The following CD86 variants were observed in gnomAD, a reference collection of about 807,000 sequenced individuals.
CD86 encodes the protein CD86 molecule, also known as T-lymphocyte activation antigen CD86.
Under a neutral mutation model 32.1 loss-of-function variants are expected in CD86, and 11 were observed. The ratio of observed to expected loss-of-function variants is 0.34; its 90% confidence interval spans 0.22 to 0.57. CD86 has a LOEUF of 0.57. Among genes scored for constraint, CD86 ranks in the 20% least tolerant of loss-of-function variants. CD86 has a pLI of 0.86. For missense variants in CD86, 359 were observed against 398.4 expected, an observed-to-expected ratio of 0.90 and a Z score of 0.84; for synonymous variants, 137 against 135.3, an observed-to-expected ratio of 1.01 and a Z score of -0.09.
intron 1 of CD86, among the ~76,000 whole-genome samples, chr3:122,070,599 T>C (rs1373182954): frequency 1.3e-5 from 2 of 152,210 alleles, no homozygotes; most frequent in Admixed American, 1.3e-4. Context: ...TTTCTAAGAA[T>C]GTTCCTTCAG....
intron 1 of CD86, among the ~76,000 whole-genome samples, chr3:122,072,210 A>G (rs1198746318): frequency 6.7e-6 from 1 of 149,612 alleles, no homozygotes; most frequent in Non-Finnish European, 1.5e-5. Context: ...GTGTCTTTAT[A>G]GCAGCATGAT....
chr3:122,106,066 C>G, intron 3 of CD86, 132 bp from the exon 4 acceptor site: 1 of 631,268 alleles, frequency 1.6e-6, no homozygotes, highest in Non-Finnish European at 2.7e-6. Flanking sequence ...GGCTGAGGGT[C>G]ACATTTTAGA....
intron 1 of CD86, among the ~76,000 whole-genome samples, chr3:122,056,690 C>T (rs1223222143): frequency 6.6e-6 from 1 of 152,182 alleles, no homozygotes; most frequent in South Asian, 2.1e-4. Flanking sequence ...TTCATCTACC[C>T]AGTGCTTACT....
chr3:122,101,513 A>ATAT (rs1553753638), intron 2 of CD86, among the ~76,000 whole-genome samples: 785 of 44,812 alleles, frequency 0.018, 4 homozygotes, highest in Middle Eastern at 0.032. Context: ...AAAAAAAAAA[A>ATAT]ATATATATAT....
At chr3:122,116,288 T>G (rs974767917) in intron 5 of CD86, among the ~76,000 whole-genome samples, 1 of 152,190 alleles carries the variant, frequency 6.6e-6, no homozygotes, top group African/African-American at 2.4e-5. Context: ...ATATTGCTAC[T>G]CATTAGTAAG....
intron 4 of CD86, among the ~76,000 whole-genome samples, chr3:122,108,331 T>A (rs1259575549): frequency 6.6e-6 from 1 of 152,216 alleles, no homozygotes; most frequent in Admixed American, 6.5e-5. Flanking sequence ...TTAGTAAGTA[T>A]AACCCCTAAC....
At chr3:122,056,985 A>G (rs762441958) in intron 1 of CD86, among the ~76,000 whole-genome samples, 1 of 152,238 alleles carries the variant, frequency 6.6e-6, no homozygotes, top group Non-Finnish European at 1.5e-5. Context: ...AGTAATAGCC[A>G]TTAAACAATG....
At chr3:122,078,867 C>CAATCAG (rs2072590631) in intron 1 of CD86, among the ~76,000 whole-genome samples, 1 of 152,218 alleles carries the variant, frequency 6.6e-6, no homozygotes, top group Non-Finnish European at 1.5e-5. Flanking sequence ...AATCTTGGGA[C>CAATCAG]TAAGGCCCTG....
At chr3:122,062,517 C>T (rs1442100777) in intron 1 of CD86, among the ~76,000 whole-genome samples, 1 of 152,040 alleles carries the variant, frequency 6.6e-6, no homozygotes, top group African/African-American at 2.4e-5. Flanking sequence ...GTAAATATAT[C>T]AAAGGTGATT....
At chr3:122,060,340 T>C (rs1303764721) in intron 1 of CD86, among the ~76,000 whole-genome samples, 1 of 152,074 alleles carries the variant, frequency 6.6e-6, no homozygotes, top group African/African-American at 2.4e-5. Flanking sequence ...TTGGAGAGCT[T>C]GGAAAATGGA....
intron 2 of CD86, among the ~76,000 whole-genome samples, chr3:122,100,510 A>AT (rs35084274): frequency 0.15 from 22,426 of 152,030 alleles, 1,825 homozygotes; most frequent in South Asian, 0.18. Flanking sequence ...AAAAGAAGGA[A>AT]TTTTTTTTAG....
intron 2 of CD86, among the ~76,000 whole-genome samples, chr3:122,098,318 G>A (rs2072941159): frequency 6.6e-6 from 1 of 152,144 alleles, no homozygotes; most frequent in African/African-American, 2.4e-5. Flanking sequence ...ATGAAGTGAA[G>A]GAGAAGCTAT....
At chr3:122,090,754 G>A (rs2072803985) in intron 1 of CD86, among the ~76,000 whole-genome samples, 1 of 152,178 alleles carries the variant, frequency 6.6e-6, no homozygotes, top group Non-Finnish European at 1.5e-5. Flanking sequence ...GGTAGTGAAG[G>A]AGGGAGGAGG....
At chr3:122,114,260 T>TATAAATAAATAA (rs56864968) in intron 5 of CD86, among the ~76,000 whole-genome samples, 2,150 of 151,450 alleles carry the variant, frequency 0.014, 48 homozygotes, top group African/African-American at 0.049. Context: ...TCTTAAAAAA[T>TATAAATAAATAA]ATAAATAAAT....
At chr3:122,075,854 T>C (rs1375782338) in intron 1 of CD86, among the ~76,000 whole-genome samples, 1 of 152,172 alleles carries the variant, frequency 6.6e-6, no homozygotes, top group African/African-American at 2.4e-5. Flanking sequence ...GGGAAAACAA[T>C]AAAACAACTT....
At chr3:122,101,193 C>T (rs2072993598) in intron 2 of CD86, among the ~76,000 whole-genome samples, 1 of 151,950 alleles carries the variant, frequency 6.6e-6, no homozygotes, top group African/African-American at 2.4e-5. Flanking sequence ...ACTCTGGAGA[C>T]AGAGGCAGAG....
chr3:122,094,885 G>A (rs184035127), intron 2 of CD86, among the ~76,000 whole-genome samples: 164 of 152,288 alleles, frequency 1.1e-3, no homozygotes, highest in Middle Eastern at 3.4e-3. Flanking sequence ...TTTACAAAGC[G>A]AAAGGAATTC....
At chr3:122,070,162 T>A (rs1209246636) in intron 1 of CD86, among the ~76,000 whole-genome samples, 4 of 152,226 alleles carry the variant, frequency 2.6e-5, no homozygotes, top group Non-Finnish European at 4.4e-5. Context: ...AAAATACCTC[T>A]TGGTGTCCCT....
intron 1 of CD86, among the ~76,000 whole-genome samples, chr3:122,066,493 T>C (rs183358767): frequency 6.6e-6 from 1 of 152,292 alleles, no homozygotes; most frequent in East Asian, 1.9e-4. Flanking sequence ...TTCAATTCTA[T>C]ATCCTGCTAA....
Sources: gnomAD v4.1 joint callset for allele counts (sites outside exome capture counted in the v4.1 genomes callset) on GRCh38, gnomAD v4.1.1 for gene constraint, MANE v1.5 for transcripts, NCBI Gene and HGNC (gene_info 2026-07-23, HGNC 2026-07-21) for gene names.